DCC: variants seen among roughly 807,000 people sequenced by gnomAD.
DCC encodes the protein DCC netrin 1 receptor.
A neutral mutation model predicts 172.5 loss-of-function variants in DCC; 58 were observed. The ratio of observed to expected loss-of-function variants is 0.34; its 90% CI spans 0.27 to 0.42. The LOEUF (loss-of-function observed/expected upper bound fraction) is 0.42, where lower values mean the gene tolerates loss of function less well. DCC is among the 10% of genes least tolerant of loss of function. The pLI is 1.00. For missense variants in DCC, 1,740 were observed against 1,791.0 expected, an observed-to-expected ratio of 0.97 and a Z score of 0.51; for synonymous variants, 709 against 644.5, an observed-to-expected ratio of 1.10 and a Z score of -1.52.
chr18:52,740,142 G>A (rs749305415), intron 1 of DCC, among the ~76,000 whole-genome samples: 11 of 152,076 alleles, frequency 7.2e-5, no homozygotes, highest in Non-Finnish European at 1.5e-4. Context: ...ACATATAGAC[G>A]CCAGAAATTC....
chr18:52,357,936 T>TCAA (rs71173391), intron 1 of DCC, among the ~76,000 whole-genome samples: 13,292 of 123,174 alleles, frequency 0.11, 1,045 homozygotes, highest in East Asian at 0.38. Context: ...AGACTCTGTG[T>TCAA]AAAAAAAAAA....
At chr18:52,888,352 AG>A (rs144343920) in intron 2 of DCC, among the ~76,000 whole-genome samples, 3,477 of 152,322 alleles carry the variant, frequency 0.023, 185 homozygotes, top group East Asian at 0.21. Context: ...TACAATTTAA[AG>A]ATAGGATTTC....
intron 1 of DCC, among the ~76,000 whole-genome samples, chr18:52,469,188 G>C (rs1234891949): frequency 6.6e-6 from 1 of 152,108 alleles, no homozygotes; most frequent in African/African-American, 2.4e-5. Flanking sequence ...CTCCTGAGTA[G>C]CTGGGACTAC....
intron 1 of DCC, among the ~76,000 whole-genome samples, chr18:52,695,672 C>T (rs980174040): frequency 5.3e-5 from 8 of 151,968 alleles, no homozygotes; most frequent in Non-Finnish European, 1.2e-4. Context: ...CAATGGTAGC[C>T]CTAGTGGAAG....
At chr18:53,232,941 T>A (rs2056145277) in intron 12 of DCC, among the ~76,000 whole-genome samples, 1 of 131,910 alleles carries the variant, frequency 7.6e-6, no homozygotes, top group South Asian at 3.1e-4. Context: ...TTTCTTTTTT[T>A]TTTTTCCCCA....
intron 13 of DCC, among the ~76,000 whole-genome samples, chr18:53,313,621 C>T (rs996189302): frequency 3.3e-5 from 5 of 152,172 alleles, no homozygotes; most frequent in African/African-American, 1.2e-4. Flanking sequence ...TAGCTTGATC[C>T]ACTGTCAAAA....
chr18:53,029,516 C>T (rs976881268), intron 5 of DCC, among the ~76,000 whole-genome samples: 1 of 152,138 alleles, frequency 6.6e-6, no homozygotes, highest in African/African-American at 2.4e-5. Context: ...CTGGAAATGC[C>T]TGGTTTGTAG....
intron 7 of DCC, among the ~76,000 whole-genome samples, chr18:53,073,448 C>T (rs1014511173): frequency 3.3e-5 from 5 of 152,082 alleles, no homozygotes; most frequent in Non-Finnish European, 5.9e-5. Context: ...TGGTATGAAA[C>T]CTGGGGGGCG....
chr18:53,402,444 A>T (rs1246114623), intron 18 of DCC, among the ~76,000 whole-genome samples: 1 of 151,988 alleles, frequency 6.6e-6, no homozygotes, highest in Non-Finnish European at 1.5e-5. Flanking sequence ...ATATGTAATC[A>T]TCAATCTCAC....
At chr18:52,817,954 T>C (rs1373162916) in intron 2 of DCC, 1 of 152,218 alleles carries the variant, frequency 6.6e-6, no homozygotes, top group Non-Finnish European at 1.5e-5. Flanking sequence ...ACGCCATTGA[T>C]AAATTTTAAG....
At chr18:52,797,888 G>A (rs771811286) in intron 2 of DCC, among the ~76,000 whole-genome samples, 7 of 152,196 alleles carry the variant, frequency 4.6e-5, no homozygotes, top group Admixed American at 6.5e-5. Context: ...TTCTCAAGCC[G>A]CATAAAACAC....
intron 2 of DCC, among the ~76,000 whole-genome samples, chr18:52,893,608 T>A (rs1478368664): frequency 6.6e-6 from 1 of 152,190 alleles, no homozygotes; most frequent in African/African-American, 2.4e-5. Flanking sequence ...GAAAATATGC[T>A]GGATGTGAAT....
chr18:52,499,986 G>T (rs2030956750), intron 1 of DCC, among the ~76,000 whole-genome samples: 1 of 152,042 alleles, frequency 6.6e-6, no homozygotes, highest in Non-Finnish European at 1.5e-5. Context: ...GCTGAAATCA[G>T]CACGGATTAA....
intron 1 of DCC, among the ~76,000 whole-genome samples, chr18:52,623,382 G>C (rs1043221189): frequency 6.6e-6 from 1 of 152,162 alleles, no homozygotes; most frequent in Admixed American, 6.6e-5. Context: ...CAGGAAAACA[G>C]ATGCATTCTC....
chr18:52,881,202 G>C (rs939025870), intron 2 of DCC, among the ~76,000 whole-genome samples: 1 of 151,978 alleles, frequency 6.6e-6, no homozygotes, highest in Non-Finnish European at 1.5e-5. Context: ...AAAAACATTG[G>C]ATTAGACTTT....
intron 5 of DCC, among the ~76,000 whole-genome samples, chr18:52,949,147 G>A (rs2040596064): frequency 6.6e-6 from 1 of 152,170 alleles, no homozygotes; most frequent in South Asian, 2.1e-4. Flanking sequence ...TCATTGCTGT[G>A]AGACTTCAAC....
intron 1 of DCC, among the ~76,000 whole-genome samples, chr18:52,746,580 G>T (rs373147412): frequency 1.2e-4 from 18 of 152,220 alleles, no homozygotes; most frequent in Non-Finnish European, 2.5e-4. Context: ...TTGCCTCTGC[G>T]ACTGAATGGT....
chr18:53,122,895 G>C (rs987097447), intron 7 of DCC, among the ~76,000 whole-genome samples: 1 of 151,930 alleles, frequency 6.6e-6, no homozygotes, highest in Non-Finnish European at 1.5e-5. Context: ...TCTCCCTTTT[G>C]CATGCATATC....
At chr18:52,444,001 T>C (rs937596052) in intron 1 of DCC, among the ~76,000 whole-genome samples, 2 of 152,146 alleles carry the variant, frequency 1.3e-5, no homozygotes, top group African/African-American at 4.8e-5. Flanking sequence ...TGGCTGCTGA[T>C]TGGCTGAGAG....
Sources: allele counts gnomAD v4.1 joint callset (sites outside exome capture counted in the v4.1 genomes callset), GRCh38; gene constraint gnomAD v4.1.1; transcripts MANE v1.5; gene names NCBI Gene and HGNC (gene_info 2026-07-23, HGNC 2026-07-21).